The following CCDC12 variants were observed in gnomAD, a reference collection of about 807,000 sequenced individuals.
The protein encoded by CCDC12 is coiled-coil domain-containing protein 12.
A neutral mutation model predicts 25.7 loss-of-function variants in CCDC12; 28 were observed. That is an observed-to-expected ratio of 1.09 (90% CI 0.81 to 1.50). CCDC12 has a LOEUF of 1.50. Ranked by LOEUF, CCDC12 falls within the 40% of genes most tolerant of loss-of-function variation. CCDC12 has a pLI of 0.00. For synonymous variants in CCDC12, 75 were observed against 87.7 expected (o/e 0.86, Z 0.81); for missense variants, 198 against 210.0 (o/e 0.94, Z 0.35).
At chr3:46,980,941 A>G (rs576745032), upstream of CCDC12, among the ~76,000 whole-genome samples, 1 of 152,286 alleles carries the variant, frequency 6.6e-6, no homozygotes, top group South Asian at 2.1e-4. Context: ...GGGGGAATTC[A>G]TGCTCAGACA....
intron 1 of CCDC12, among the ~76,000 whole-genome samples, chr3:46,942,221 G>T (rs1399024726): frequency 6.6e-6 from 1 of 152,252 alleles, no homozygotes. Context: ...CTGACGCAGG[G>T]CGTGTGTGCA....
intron 1 of CCDC12, among the ~76,000 whole-genome samples, chr3:46,961,013 G>A (rs1409506482): frequency 6.6e-6 from 1 of 151,792 alleles, no homozygotes; most frequent in Non-Finnish European, 1.5e-5. Flanking sequence ...GGGAGGGTGT[G>A]GGGAGAAGGG....
At chr3:46,960,337 C>T (rs986744321) in intron 1 of CCDC12, among the ~76,000 whole-genome samples, 9 of 152,312 alleles carry the variant, frequency 5.9e-5, no homozygotes, top group South Asian at 2.1e-4. Context: ...TAGATGGAAG[C>T]TGCCTGAGTC....
chr3:46,968,762 C>CT (rs2034713968), intron 1 of CCDC12, among the ~76,000 whole-genome samples: 1 of 152,132 alleles, frequency 6.6e-6, no homozygotes, highest in African/African-American at 2.4e-5. Context: ...TCCCAAGCAC[C>CT]TGGGGGTGAG....
At chr3:46,971,652 G>A (rs1425087812) in intron 1 of CCDC12, among the ~76,000 whole-genome samples, 4 of 152,194 alleles carry the variant, frequency 2.6e-5, no homozygotes, top group African/African-American at 9.7e-5. Context: ...ATAGTCTGGT[G>A]AGAGTTAGGA....
chr3:46,963,049 T>C (rs536525728), intron 1 of CCDC12, among the ~76,000 whole-genome samples: 20 of 152,168 alleles, frequency 1.3e-4, no homozygotes, highest in Non-Finnish European at 2.4e-4. Flanking sequence ...GACAAACATA[T>C]GATGAATGAA....
chr3:46,976,266 T>G, intron 1 of CCDC12: 2 of 1,056,800 alleles, frequency 1.9e-6, no homozygotes, highest in Non-Finnish European at 2.3e-6. Context: ...AGGCGGGGGT[T>G]AAAGACCAGC....
At chr3:46,979,954 GC>G (rs778977031), upstream of CCDC12, 5 of 317,842 alleles carry the variant, frequency 1.6e-5, no homozygotes, top group East Asian at 2.0e-4. Flanking sequence ...CACCCGCGGT[GC>G]CCCCAGCTTC....
At chr3:46,923,290 C>A in intron 5 of CCDC12, 39 bp downstream of exon 5, 1 of 1,461,530 alleles carries the variant, frequency 6.8e-7, no homozygotes. Context: ...CAAGAGTCCC[C>A]GAGTCAGCCT....
chr3:46,938,523 T>TTG (rs1575544915), intron 2 of CCDC12, among the ~76,000 whole-genome samples: 3 of 143,424 alleles, frequency 2.1e-5, no homozygotes, highest in African/African-American at 5.1e-5. Context: ...CTCCTGTTTT[T>TTG]TTTTTTTTTT....
intron 1 of CCDC12, among the ~76,000 whole-genome samples, chr3:46,951,563 G>A (rs1053565290): frequency 1.7e-4 from 26 of 150,502 alleles, no homozygotes; most frequent in Admixed American, 1.1e-3. Context: ...GGTGGATCAC[G>A]AGGTCAGGAG....
intron 2 of CCDC12, among the ~76,000 whole-genome samples, chr3:46,926,770 C>T (rs917015947): frequency 2.0e-5 from 3 of 152,154 alleles, no homozygotes; most frequent in African/African-American, 7.2e-5. Flanking sequence ...GGTCCTCCTC[C>T]TTCCCCAGTA....
chr3:46,948,670 C>T (rs915232639), intron 1 of CCDC12, among the ~76,000 whole-genome samples: 4 of 152,244 alleles, frequency 2.6e-5, no homozygotes, highest in African/African-American at 4.8e-5. Flanking sequence ...AAGGAGGGCC[C>T]GCTCCACTCA....
At chr3:46,923,276 GCACCAAGAGT>G (rs1167886443) in intron 5 of CCDC12, 43 bp downstream of exon 5, 1 of 1,446,250 alleles carries the variant, frequency 6.9e-7, no homozygotes, top group East Asian at 2.5e-5. Context: ...GCCCATGCTG[GCACCAAGAGT>G]CCCCGAGTCA....
intron 2 of CCDC12, among the ~76,000 whole-genome samples, chr3:46,938,213 C>G (rs2033534327): frequency 6.6e-6 from 1 of 152,072 alleles, no homozygotes; most frequent in Non-Finnish European, 1.5e-5. Flanking sequence ...AAAACAGGGC[C>G]CTGCACCTGC....
At chr3:46,957,778 C>A (rs1032696438) in intron 1 of CCDC12, among the ~76,000 whole-genome samples, 3 of 151,780 alleles carry the variant, frequency 2.0e-5, no homozygotes, top group African/African-American at 7.3e-5. Context: ...ACTGTCTCTA[C>A]TAAAAATACA....
chr3:46,938,036 A>G (rs1284165074), intron 2 of CCDC12, among the ~76,000 whole-genome samples: 1 of 152,260 alleles, frequency 6.6e-6, no homozygotes, highest in Non-Finnish European at 1.5e-5. Context: ...CTAGAAGGAC[A>G]GCCCCAAAAG....
chr3:46,976,459 C>T, intron 1 of CCDC12, 178 bp downstream of exon 1: 1 of 1,427,382 alleles, frequency 7.0e-7, no homozygotes, highest in Non-Finnish European at 9.1e-7. Flanking sequence ...AGAGGAGTCC[C>T]ACGCCAAGCA....
chr3:46,941,160 G>A (rs889628158), intron 1 of CCDC12, 95 bp from the exon 2 acceptor site: 3 of 1,192,030 alleles, frequency 2.5e-6, no homozygotes, highest in South Asian at 1.2e-5. Context: ...ATCTCAGAAG[G>A]GGGGCACCTG....
Sources: gnomAD v4.1 joint callset for allele counts (sites outside exome capture counted in the v4.1 genomes callset) on GRCh38, gnomAD v4.1.1 for gene constraint, MANE v1.5 for transcripts, NCBI Gene and HGNC (gene_info 2026-07-23, HGNC 2026-07-21) for gene names.